Variants in DMC1 observed in about 807,000 individuals in gnomAD.
DMC1 encodes meiotic recombination protein DMC1 homolog.
A neutral mutation model predicts 50.1 loss-of-function variants in DMC1; 27 were observed. The observed-to-expected ratio is 0.54, with a 90% CI of 0.40 to 0.74. The LOEUF (loss-of-function observed/expected upper bound fraction) is 0.74. Among genes scored for constraint, DMC1 ranks in the 30% least tolerant of loss-of-function variants. The pLI, the probability that DMC1 is intolerant of heterozygous loss-of-function variation, is 0.00. For missense variants in DMC1, 295 were observed against 420.2 expected (o/e 0.70, Z 2.60); for synonymous variants, 148 against 136.1 (o/e 1.09, Z -0.61).
chr22:38,559,073 A>G (rs899798203), intron 5 of DMC1, among the ~76,000 whole-genome samples: 1 of 152,228 alleles, frequency 6.6e-6, no homozygotes, highest in Non-Finnish European at 1.5e-5. Flanking sequence ...TCTATTGCCC[A>G]GGCTGGAGTG....
At chr22:38,567,710 C>A in intron 2 of DMC1, 83 bp from the exon 3 acceptor site, 9 of 1,013,794 alleles carry the variant, frequency 8.9e-6, no homozygotes, top group Non-Finnish European at 1.4e-5. Context: ...TAATTCAATA[C>A]TATGAGTCAC....
chr22:38,565,482 A>T (rs1244561900), intron 4 of DMC1, among the ~76,000 whole-genome samples: 2 of 152,204 alleles, frequency 1.3e-5, no homozygotes, highest in Non-Finnish European at 2.9e-5. Context: ...TTATGCATAA[A>T]CTGCCCCTTA....
chr22:38,538,403 C>A lies in DMC1; in HGVS notation c.667G>T (p.Asp223Tyr). 6.2e-7 allele frequency: 1 copy of A among 1,613,650 alleles called. No individual in the cohort carries two copies. Among genetic ancestry groups the A allele is most frequent in the Non-Finnish European group, 8.5e-7 (1 of 1,179,864 alleles). ...ACTCGAAAAAGTGCCATTATTGAAT[C>A]GATAATCTACACAGGATTAATGTAA... Reference protein sequence around the residue: ...EAGIFKLLIIDSIMALFRVDF... With the variant: ...EAGIFKLLIIYSIMALFRVDF... Residue 223 changes from aspartate to tyrosine, a missense_variant, in exon 11 of 14, where the codon GAT (aspartate) becomes TAT (tyrosine). Transcript: ENST00000216024.
chr22:38,542,028 A>AC (rs1257564584), intron 8 of DMC1, among the ~76,000 whole-genome samples: 1 of 148,722 alleles, frequency 6.7e-6, no homozygotes, highest in African/African-American at 2.5e-5. Flanking sequence ...TAAAAAAAAA[A>AC]CCCTCAAAAA....
chr22:38,564,154 G>A (rs2090557613), intron 4 of DMC1, among the ~76,000 whole-genome samples: 1 of 152,314 alleles, frequency 6.6e-6, no homozygotes, highest in South Asian at 2.1e-4. Flanking sequence ...GGGTGATAGA[G>A]TGAGACCTTG....
intron 5 of DMC1, among the ~76,000 whole-genome samples, chr22:38,557,485 C>T (rs1388474047): frequency 3.3e-5 from 5 of 151,970 alleles, no homozygotes; most frequent in Non-Finnish European, 7.4e-5. Flanking sequence ...GGAGGTGGAT[C>T]GCTCGAGCCT....
chr22:38,550,930 C>CAAAAAAAAAAAAAAAAAAGAAAAAAA (rs2090398320), intron 7 of DMC1, among the ~76,000 whole-genome samples: 1 of 57,774 alleles, frequency 1.7e-5, no homozygotes, highest in Non-Finnish European at 3.1e-5. Flanking sequence ...GACTCCATCT[C>CAAAAAAAAAAAAAAAAAAGAAAAAAA]AAAAAAAAAA....
chr22:38,555,447 A>G, intron 5 of DMC1, 38 bp from the exon 6 acceptor site: 1 of 1,321,872 alleles, frequency 7.6e-7, no homozygotes, highest in Non-Finnish European at 1.1e-6. Context: ...CAGGAATAGA[A>G]ATAGAAATAT....
intron 12 of DMC1, among the ~76,000 whole-genome samples, chr22:38,532,347 G>C (rs2090162278): frequency 6.7e-6 from 1 of 148,362 alleles, no homozygotes; most frequent in African/African-American, 2.5e-5. Context: ...TTTTGAGACA[G>C]AGTCTCACTC....
chr22:38,552,034 T>C (rs1416887757), intron 7 of DMC1, among the ~76,000 whole-genome samples: 2 of 152,012 alleles, frequency 1.3e-5, no homozygotes, highest in Admixed American at 1.3e-4. Context: ...CTAATTTTTT[T>C]GTATTTTTAG....
chr22:38,546,202 C>T (rs962756906), intron 8 of DMC1: 1 of 152,250 alleles, frequency 6.6e-6, no homozygotes, highest in Non-Finnish European at 1.5e-5. Context: ...ACCAGCCCGA[C>T]CAACATGGAG....
At chr22:38,520,837 G>C (rs1243417172) in intron 13 of DMC1, among the ~76,000 whole-genome samples, 1 of 151,870 alleles carries the variant, frequency 6.6e-6, no homozygotes, top group East Asian at 1.9e-4. Flanking sequence ...AGGTTGTCTA[G>C]CACATCCTCC....
At chr22:38,543,231 T>G (rs1023924921) in intron 8 of DMC1, among the ~76,000 whole-genome samples, 2 of 130,902 alleles carry the variant, frequency 1.5e-5, no homozygotes, top group Non-Finnish European at 3.3e-5. Flanking sequence ...CTGTAAATTG[T>G]TTTTTTTTTT....
Position 38,555,024 on chromosome 22 carries a change from C to T in DMC1, c.379+333G>A, listed in dbSNP as rs147403854. Among the ~76,000 whole-genome samples the T allele has an allele frequency of 8.7e-4, 131 of 149,866 alleles. 1 individual carries two copies. The highest frequency in any genetic ancestry group is 3.5e-3 in the Middle Eastern group (1 of 282). ...GCGTGAACCCGGGAGGCAGAGCTTG[C>T]AGGAAGCCGAGATTGCGCCACTGCA... On this transcript the variant is annotated intron_variant, in intron 6 of 13. Transcript: ENST00000216024.
At chr22:38,512,453 A>G in the DMC1 span, among the ~76,000 whole-genome samples, 2 of 152,226 alleles carry the variant, frequency 1.3e-5, no homozygotes, top group South Asian at 4.1e-4. Flanking sequence ...TGGACTGCCT[A>G]GCTTTAGATT....
intron 12 of DMC1, among the ~76,000 whole-genome samples, chr22:38,534,825 A>G (rs1258178298): frequency 3.3e-5 from 5 of 150,956 alleles, no homozygotes; most frequent in Non-Finnish European, 7.4e-5. Context: ...AACGTGGTGA[A>G]ACCCTGTCTC....
downstream of DMC1, among the ~76,000 whole-genome samples, chr22:38,515,714 G>A (rs997634566): frequency 6.6e-6 from 1 of 151,688 alleles, no homozygotes; most frequent in Non-Finnish European, 1.5e-5. Flanking sequence ...TAGGAGAATC[G>A]TTTGAACCTG....
chr22:38,520,127 T>A (rs2090008387), intron 13 of DMC1, 38 bp from the exon 14 acceptor site: 29 of 1,508,682 alleles, frequency 1.9e-5, no homozygotes, highest in Non-Finnish European at 2.7e-5. Flanking sequence ...TATAAAAAGC[T>A]CTATTTCTAT....
the DMC1 span, among the ~76,000 whole-genome samples, chr22:38,511,208 A>C: frequency 6.6e-6 from 1 of 152,312 alleles, no homozygotes; most frequent in African/African-American, 2.4e-5. Flanking sequence ...ATCATTAATG[A>C]GGAAGTAAAA....
Sources: allele counts gnomAD v4.1 joint callset (sites outside exome capture counted in the v4.1 genomes callset), GRCh38; gene constraint gnomAD v4.1.1; transcripts MANE v1.5; gene names NCBI Gene and HGNC (gene_info 2026-07-23, HGNC 2026-07-21).